Variants in FBXL18 observed in about 807,000 individuals in gnomAD.
FBXL18 encodes F-box/LRR-repeat protein 18.
A neutral mutation model predicts 46.0 loss-of-function variants in FBXL18; 36 were observed. The ratio of observed to expected loss-of-function variants is 0.78; its 90% CI spans 0.60 to 1.03. The LOEUF (loss-of-function observed/expected upper bound fraction) is 1.03. Among genes scored for constraint, FBXL18 ranks in the 50% least tolerant of loss-of-function variants. The probability of loss-of-function intolerance (pLI) is 0.00; values close to 1 mark genes in which losing one functional copy is unlikely to be tolerated. For synonymous variants in FBXL18, 557 were observed against 465.3 expected, an observed-to-expected ratio of 1.20 and a Z score of -2.54; for missense variants, 977 against 1,004.1, an observed-to-expected ratio of 0.97 and a Z score of 0.36.
At chr7:5,490,749 G>A (rs868257452) in intron 4 of FBXL18, among the ~76,000 whole-genome samples, 3 of 152,330 alleles carry the variant, frequency 2.0e-5, no homozygotes, top group Middle Eastern at 3.4e-3. Flanking sequence ...CGGATCACCT[G>A]AGGTCGGGAG....
chr7:5,456,565 G>C (rs1783177158), intron 4 of FBXL18, among the ~76,000 whole-genome samples: 1 of 152,128 alleles, frequency 6.6e-6, no homozygotes, highest in African/African-American at 2.4e-5. Context: ...CAGCAAGGTG[G>C]GGGGGCTCCA....
At chr7:5,470,916 G>A (rs999294311), downstream of FBXL18, among the ~76,000 whole-genome samples, 3 of 152,088 alleles carry the variant, frequency 2.0e-5, no homozygotes, top group East Asian at 1.9e-4. Context: ...ACGCAGAGGC[G>A]TCCCTGTGTC....
Position 5,479,369 on chromosome 7 carries a change from G to C in FBXL18, c.*2406C>G, listed in dbSNP as rs974863039. 2.6e-5 allele frequency: 4 copies of C among 152,280 alleles called. No homozygotes were observed. Among genetic ancestry groups the C allele is most frequent in the African/African-American group, 7.2e-5 (3 of 41,450 alleles). 9.4% of individuals were successfully genotyped at this position (152,280 alleles called of 1,614,324 possible). On this transcript the variant is annotated 3_prime_UTR_variant, in exon 5 of 5. Transcript: ENST00000382368. ...GGGGAATGTTCTGGAGGAAGGAGTG[G>C]GGCGGAGCTGCGGTGCCCAGAGACA...
Position 5,500,978 on chromosome 7 carries a change from G to A in FBXL18, c.1291C>T (p.Arg431Cys), listed in dbSNP as rs1584234367. ...GGCTGGGCGGGCGCGCGGTCGGCGC[G>A]CGGCGCGGAGTCAGCGACAGAGCAG... ...PVCSVADSAP[R>C]ADRAPAQPAM... Residue 431 changes from arginine to cysteine, a missense_variant, in exon 3 of 5, where the codon CGC becomes TGC. Arg to Cys is a radical substitution (Grantham distance 180). Coordinates refer to ENST00000382368, the MANE Select transcript of FBXL18 (RefSeq NM_024963.6). 6.5e-7 allele frequency: 1 copy of A among 1,545,510 alleles called. No homozygotes were observed. Among genetic ancestry groups the A allele is most frequent in the East Asian group, 2.3e-5 (1 of 44,058 alleles).
intron 4 of FBXL18, among the ~76,000 whole-genome samples, chr7:5,482,659 T>C (rs1783679299): frequency 6.7e-6 from 1 of 150,256 alleles, no homozygotes; most frequent in Non-Finnish European, 1.5e-5. Context: ...CCAACCACAG[T>C]CCCCCAGCGG....
At chr7:5,467,346 G>A (rs1181330278) in intron 4 of FBXL18, among the ~76,000 whole-genome samples, 3 of 151,326 alleles carry the variant, frequency 2.0e-5, no homozygotes, top group Non-Finnish European at 2.9e-5. Flanking sequence ...GCGAGACTCC[G>A]TCTTAAAAAA....
At chr7:5,467,494 C>T (rs1225212890) in intron 4 of FBXL18, among the ~76,000 whole-genome samples, 2 of 151,076 alleles carry the variant, frequency 1.3e-5, no homozygotes, top group Non-Finnish European at 3.0e-5. Context: ...TGCAGTGAGC[C>T]GAGATCACAC....
intron 4 of FBXL18, 79 bp from the exon 5 acceptor site, chr7:5,482,010 C>T (rs1452403787): frequency 6.7e-7 from 1 of 1,497,078 alleles, no homozygotes; most frequent in African/African-American, 1.4e-5. Flanking sequence ...GCCCAGGAGG[C>T]ACTCACACCT....
rs1328247831 is a variant in FBXL18 at position 5,496,092 on chromosome 7, T to C, written c.1781+4396A>G. 6.6e-6 allele frequency among the ~76,000 whole-genome samples: 1 copy of C among 152,184 alleles called. No individual in the cohort carries two copies. Among genetic ancestry groups the C allele is most frequent in the African/African-American group, 2.4e-5 (1 of 41,452 alleles). ...AGACTCCGGAGGCCATCGGGGACCA[T>C]GAAATCACGCTGACCTCGGGAGGCC... On this transcript the variant is annotated intron_variant, in intron 3 of 4. Coordinates refer to ENST00000382368, the MANE Select transcript of FBXL18 (RefSeq NM_024963.6). The surrounding 1 kb of genome is among the most constrained non-coding windows in gnomAD (Gnocchi z 4.8).
chr7:5,454,554 A>C (rs920400959), intron 4 of FBXL18, among the ~76,000 whole-genome samples: 4 of 152,080 alleles, frequency 2.6e-5, no homozygotes, highest in Non-Finnish European at 5.9e-5. Flanking sequence ...GATTAGTATC[A>C]GTTTGATGTC....
chr7:5,506,444 G>A (rs1008617825), intron 1 of FBXL18, among the ~76,000 whole-genome samples: 3 of 151,144 alleles, frequency 2.0e-5, no homozygotes, highest in African/African-American at 7.3e-5. Flanking sequence ...TAGTAGAGAC[G>A]GGGTTTCACC....
At chr7:5,466,323 C>G (rs1051493883) in intron 4 of FBXL18, among the ~76,000 whole-genome samples, 1 of 152,198 alleles carries the variant, frequency 6.6e-6, no homozygotes, top group African/African-American at 2.4e-5. Flanking sequence ...ATAGGTCTCC[C>G]TGGGCTCAGG....
chr7:5,475,444 C>T (rs1783493631), downstream of FBXL18, among the ~76,000 whole-genome samples: 1 of 152,228 alleles, frequency 6.6e-6, no homozygotes, highest in African/African-American at 2.4e-5. This position sits in a 1 kb window ranked among gnomAD's most constrained non-coding sequence, Gnocchi z 4.2. Flanking sequence ...TCTGAGCTGC[C>T]ACCAGACCAC....
Position 5,479,965 on chromosome 7 carries a change from T to C in FBXL18, c.*1810A>G, listed in dbSNP as rs1207348417. ...AGAGGCGCCAGGGTGGGGTCAAGAC[T>C]GCCAGGTGGAGAGCTGGGAGGCAGC... On this transcript the variant is annotated 3_prime_UTR_variant, in exon 5 of 5. Coordinates refer to ENST00000382368, the MANE Select transcript of FBXL18 (RefSeq NM_024963.6). 3.9e-5 allele frequency among the ~76,000 whole-genome samples: 6 copies of C among 152,082 alleles called. No individual in the cohort carries two copies. The highest frequency in any genetic ancestry group is 1.4e-4 in the African/African-American group (6 of 41,410).
chr7:5,501,302 G>A lies in FBXL18; in HGVS notation c.967C>T (p.Arg323Cys). 1.2e-6 allele frequency: 2 copies of A among 1,614,168 alleles called. No individual in the cohort carries two copies. Among genetic ancestry groups the A allele is most frequent in the Non-Finnish European group, 8.5e-7 (1 of 1,180,026 alleles). The change falls in exon 3 of 5, where the codon CGC becomes TGC. Residue 323 changes from arginine (R) to cysteine (C), a missense_variant. By Grantham distance (180) the Arg-to-Cys change is radical (BLOSUM62 -3). Coordinates refer to ENST00000382368, the MANE Select transcript of FBXL18 (RefSeq NM_024963.6). ...AGATGGCCGCCTGACAGGGTACAGCGGCTGAAACTGAAGTAGAACGGGTTG... is the reference window on the plus strand; with the variant it reads ...AGATGGCCGCCTGACAGGGTACAGCAGCTGAAACTGAAGTAGAACGGGTTG... ...FNNPFYFSFS[R>C]CTLSGGHLIQ...
chr7:5,506,221 G>A (rs1043546283), intron 1 of FBXL18, among the ~76,000 whole-genome samples: 1 of 152,046 alleles, frequency 6.6e-6, no homozygotes, highest in African/African-American at 2.4e-5. Context: ...TGGGATGGCA[G>A]GTGTGAGCCA....
intron 1 of FBXL18, among the ~76,000 whole-genome samples, chr7:5,509,857 C>T (rs1200389991): frequency 6.6e-6 from 1 of 152,040 alleles, no homozygotes; most frequent in African/African-American, 2.4e-5. Flanking sequence ...GCCCCCACCC[C>T]CACTCTCCAT....
chr7:5,508,278 GAA>G (rs1562707788), intron 1 of FBXL18, among the ~76,000 whole-genome samples: 1 of 141,934 alleles, frequency 7.0e-6, no homozygotes, highest in African/African-American at 2.6e-5. Flanking sequence ...AAAAAAAAAA[GAA>G]AGAAAAAAAT....
At chr7:5,498,080 CTTT>C (rs767982897) in intron 3 of FBXL18, among the ~76,000 whole-genome samples, 1 of 139,034 alleles carries the variant, frequency 7.2e-6, no homozygotes, top group Admixed American at 7.2e-5. Context: ...TTTCTTTTTA[CTTT>C]TTTTTTTTTT....
Sources: allele counts gnomAD v4.1 joint callset (sites outside exome capture counted in the v4.1 genomes callset), GRCh38; gene constraint gnomAD v4.1.1; non-coding constraint Gnocchi (gnomAD v3.1); transcripts MANE v1.5; gene names NCBI Gene and HGNC (gene_info 2026-07-23, HGNC 2026-07-21).